Variants in OXCT1 observed in about 807,000 individuals in gnomAD.
The protein encoded by OXCT1 is 3-oxoacid CoA-transferase 1, also known as succinyl-CoA:3-ketoacid coenzyme A transferase 1, mitochondrial.
Under a neutral mutation model 69.6 loss-of-function variants are expected in OXCT1, and 27 were observed. The ratio of observed to expected loss-of-function variants is 0.39; its 90% CI spans 0.29 to 0.54. OXCT1 has a LOEUF of 0.54. Ranked by LOEUF, OXCT1 falls within the 20% of genes least tolerant of loss-of-function variation. The pLI, the probability that OXCT1 is intolerant of heterozygous loss-of-function variation, is 0.72. For synonymous variants in OXCT1, 202 were observed against 217.8 expected, an observed-to-expected ratio of 0.93 and a Z score of 0.64; for missense variants, 437 against 650.2, an observed-to-expected ratio of 0.67 and a Z score of 3.57.
chr5:41,866,143 T>C (rs978523203), intron 1 of OXCT1, among the ~76,000 whole-genome samples: 1 of 151,842 alleles, frequency 6.6e-6, no homozygotes, highest in Non-Finnish European at 1.5e-5. Flanking sequence ...GTTGTTAGCT[T>C]CCTTTGGAAA....
chr5:41,830,017 A>C (rs141475052), intron 7 of OXCT1, among the ~76,000 whole-genome samples: 2,486 of 152,308 alleles, frequency 0.016, 100 homozygotes, highest in South Asian at 0.079. Context: ...ACATTTTCAA[A>C]GCACTCTATA....
intron 7 of OXCT1, among the ~76,000 whole-genome samples, chr5:41,808,355 GTAT>G (rs1316137938): frequency 6.6e-6 from 1 of 152,024 alleles, no homozygotes; most frequent in Non-Finnish European, 1.5e-5. Context: ...AAGGATAGTA[GTAT>G]TGATTTTTGT....
intron 14 of OXCT1, among the ~76,000 whole-genome samples, chr5:41,757,044 C>T (rs915443832): frequency 1.3e-5 from 2 of 151,872 alleles, no homozygotes; most frequent in African/African-American, 4.8e-5. Context: ...GGACTTGAAT[C>T]TAAGTGAGAT....
At chr5:41,763,139 C>T (rs1421211724) in intron 13 of OXCT1, among the ~76,000 whole-genome samples, 1 of 152,092 alleles carries the variant, frequency 6.6e-6, no homozygotes, top group Non-Finnish European at 1.5e-5. Context: ...AAGAAATGCA[C>T]ACAACATGGC....
At chr5:41,763,785 T>TA (rs555919941) in intron 13 of OXCT1, among the ~76,000 whole-genome samples, 60 of 151,848 alleles carry the variant, frequency 4.0e-4, no homozygotes, top group African/African-American at 1.3e-3. Flanking sequence ...CTCTTTGAAT[T>TA]AAAAAAAAGT....
intron 5 of OXCT1, 63 bp downstream of exon 5, chr5:41,849,967 T>G: frequency 2.0e-6 from 3 of 1,537,316 alleles, no homozygotes; most frequent in Non-Finnish European, 2.7e-6. Flanking sequence ...TGCCCAATGA[T>G]CCACCCAAAA....
intron 7 of OXCT1, among the ~76,000 whole-genome samples, chr5:41,809,598 T>C (rs893557500): frequency 6.6e-6 from 1 of 151,998 alleles, no homozygotes; most frequent in African/African-American, 2.4e-5. Flanking sequence ...CAGCTTCCTT[T>C]GGTCTTCCTG....
chr5:41,839,017 C>G (rs190329974), intron 7 of OXCT1, among the ~76,000 whole-genome samples: 3 of 152,154 alleles, frequency 2.0e-5, no homozygotes, highest in African/African-American at 7.2e-5. Flanking sequence ...ATGTGTGTCT[C>G]GGCCTACCAG....
intron 7 of OXCT1, among the ~76,000 whole-genome samples, chr5:41,814,248 A>C (rs1747121687): frequency 6.6e-6 from 1 of 152,180 alleles, no homozygotes; most frequent in Non-Finnish European, 1.5e-5. Flanking sequence ...TTAGGGAAAT[A>C]AAATGGGTCA....
chr5:41,803,469 T>G (rs552175026), intron 9 of OXCT1, among the ~76,000 whole-genome samples: 2 of 152,246 alleles, frequency 1.3e-5, no homozygotes, highest in South Asian at 4.1e-4. Context: ...AATTTGGGTT[T>G]ATGTATTATA....
chr5:41,754,404 C>T (rs1743959429), intron 14 of OXCT1, among the ~76,000 whole-genome samples: 1 of 152,006 alleles, frequency 6.6e-6, no homozygotes, highest in Non-Finnish European at 1.5e-5. Flanking sequence ...ATCACTATAA[C>T]TGATGTAGCT....
intron 3 of OXCT1, among the ~76,000 whole-genome samples, chr5:41,859,907 T>TATATATATATATATATACACAC (rs1304074270): frequency 5.1e-5 from 7 of 138,478 alleles, no homozygotes; most frequent in African/African-American, 1.9e-4. Flanking sequence ...TATATATATA[T>TATATATATATATATATACACAC]ACACACACAC....
At chr5:41,843,950 T>C (rs946872304) in intron 5 of OXCT1, among the ~76,000 whole-genome samples, 10 of 152,342 alleles carry the variant, frequency 6.6e-5, no homozygotes, top group Non-Finnish European at 1.2e-4. Context: ...CATATCAATA[T>C]ACAAAGTTAT....
chr5:41,774,894 CAAAAA>C (rs1745048980), intron 13 of OXCT1, among the ~76,000 whole-genome samples: 1 of 150,310 alleles, frequency 6.7e-6, no homozygotes, highest in Admixed American at 6.6e-5. Flanking sequence ...AACTCTGTCT[CAAAAA>C]ATAAAATAAA....
intron 13 of OXCT1, among the ~76,000 whole-genome samples, chr5:41,776,967 C>G (rs758815002): frequency 4.6e-5 from 7 of 152,156 alleles, no homozygotes; most frequent in Middle Eastern, 6.3e-3. Flanking sequence ...GACCTCTGTT[C>G]TATGACAAAT....
At chr5:41,750,135 GTTTTTTTTTTTTTT>G (rs11291155) in intron 14 of OXCT1, among the ~76,000 whole-genome samples, 2 of 73,924 alleles carry the variant, frequency 2.7e-5, no homozygotes, top group Non-Finnish European at 5.0e-5. Context: ...GTGTTTTTTG[GTTTTTTTTTTTTTT>G]TTTTTTTTTT....
intron 11 of OXCT1, among the ~76,000 whole-genome samples, chr5:41,798,103 T>TA (rs1274910617): frequency 6.6e-6 from 1 of 151,774 alleles, no homozygotes; most frequent in Non-Finnish European, 1.5e-5. Context: ...GAGATGGGGA[T>TA]AAAAATGGAA....
chr5:41,767,897 A>G (rs143010553), intron 13 of OXCT1, among the ~76,000 whole-genome samples: 2,547 of 151,446 alleles, frequency 0.017, 17 homozygotes, highest in Non-Finnish European at 0.025. Context: ...TTTTCTACCT[A>G]GCATCCTTTT....
chr5:41,767,815 T>A (rs114855998), intron 13 of OXCT1, among the ~76,000 whole-genome samples: 2 of 148,948 alleles, frequency 1.3e-5, no homozygotes, highest in Non-Finnish European at 3.0e-5. Flanking sequence ...GTGTCTTCCA[T>A]TCACTCCTTG....
Sources: gnomAD v4.1 joint callset for allele counts (sites outside exome capture counted in the v4.1 genomes callset) on GRCh38, gnomAD v4.1.1 for gene constraint, MANE v1.5 for transcripts, NCBI Gene and HGNC (gene_info 2026-07-23, HGNC 2026-07-21) for gene names.